Variants in CFTR observed in about 807,000 individuals in gnomAD.
CFTR encodes the protein cystic fibrosis transmembrane conductance regulator.
CFTR carries 181 observed loss-of-function variants against 171.6 expected under a neutral mutation model. That is an observed-to-expected ratio of 1.05 (90% CI 0.93 to 1.19). The LOEUF (loss-of-function observed/expected upper bound fraction) is 1.19. Among genes scored for constraint, CFTR ranks in the 50% most tolerant of loss-of-function variants. The probability of loss-of-function intolerance (pLI) is 0.00; values close to 1 mark genes in which losing one functional copy is unlikely to be tolerated. For synonymous variants in CFTR, 583 were observed against 608.0 expected (o/e 0.96, Z 0.60); for missense variants, 1,968 against 1,734.7 (o/e 1.13, Z -2.39).
intron 22 of CFTR, among the ~76,000 whole-genome samples, chr7:117,629,544 G>A (rs1220513410): frequency 8.5e-5 from 13 of 152,122 alleles, no homozygotes; most frequent in Non-Finnish European, 1.9e-4. Context: ...GTCACTGATT[G>A]GTTAACATTG....
intron 7 of CFTR, among the ~76,000 whole-genome samples, chr7:117,538,188 A>G (rs1360659660): frequency 6.6e-6 from 1 of 152,212 alleles, no homozygotes. Context: ...CTCCTACTCA[A>G]GAGAGCAAAT....
chr7:117,511,079 G>T (rs1389408787), intron 3 of CFTR, among the ~76,000 whole-genome samples: 8 of 151,994 alleles, frequency 5.3e-5, no homozygotes, highest in Admixed American at 2.6e-4. Context: ...TTGTATTTAG[G>T]TACTCAACAG....
At chr7:117,558,298 G>T (rs1167681349) in intron 10 of CFTR, among the ~76,000 whole-genome samples, 1 of 151,984 alleles carries the variant, frequency 6.6e-6, no homozygotes, top group Non-Finnish European at 1.5e-5. Flanking sequence ...TGTGACTCTA[G>T]TTCACTAATA....
At position 117,568,191 on chromosome 7, in the gene CFTR, G is replaced by T. The variant is rs147166160; in HGVS notation, c.1584+8536G>T. Among the ~76,000 whole-genome samples, 7 of 152,270 alleles carry T rather than the reference G, an allele frequency of 4.6e-5. No homozygotes were observed. In the East Asian group the frequency reaches 1.2e-3, roughly 25 times the overall value. ...AAGGTTGGAGTCTGGAAAGAAAGGG[G>T]TATATTGTGAGATCTGAATTGGGAG... On this transcript the variant is annotated intron_variant, in intron 11 of 26. Coordinates refer to ENST00000003084, the MANE Select transcript of CFTR (RefSeq NM_000492.4).
intron 1 of CFTR, among the ~76,000 whole-genome samples, chr7:117,501,772 GAAACAAAAAAAAAAAAA>G (rs1798333224): frequency 1.4e-5 from 1 of 73,586 alleles, no homozygotes; most frequent in Non-Finnish European, 2.9e-5. Context: ...AAAAAAAAAA[GAAACAAAAAAAAAAAAA>G]AAACAAAAAG....
chr7:117,641,145 T>C (rs1792904835), intron 22 of CFTR, among the ~76,000 whole-genome samples: 1 of 152,190 alleles, frequency 6.6e-6, no homozygotes, highest in African/African-American at 2.4e-5. Context: ...GTAGAGTTCT[T>C]ACGATGGATA....
intron 16 of CFTR, among the ~76,000 whole-genome samples, chr7:117,603,293 C>T (rs980624592): frequency 3.9e-5 from 6 of 152,280 alleles, no homozygotes; most frequent in Admixed American, 3.9e-4. Flanking sequence ...AATAACATTA[C>T]ATATTTAGGG....
intron 20 of CFTR, among the ~76,000 whole-genome samples, chr7:117,613,974 T>G (rs1792443052): frequency 6.6e-6 from 1 of 150,516 alleles, no homozygotes; most frequent in Non-Finnish European, 1.5e-5. Flanking sequence ...AACACTTAAG[T>G]GTTGTTCTTC....
chr7:117,618,068 T>A (rs921242473), intron 21 of CFTR, among the ~76,000 whole-genome samples: 2 of 152,192 alleles, frequency 1.3e-5, no homozygotes, highest in African/African-American at 4.8e-5. Context: ...CTTGCTTCCA[T>A]GACACTACTC....
intron 20 of CFTR, among the ~76,000 whole-genome samples, chr7:117,613,587 CTTA>C (rs756235700): frequency 1.3e-5 from 2 of 152,054 alleles, no homozygotes; most frequent in South Asian, 2.1e-4. Context: ...TGTTATCTGA[CTTA>C]TTATTAAAAT....
At chr7:117,563,495 G>C (rs534409137) in intron 11 of CFTR, among the ~76,000 whole-genome samples, 12 of 152,120 alleles carry the variant, frequency 7.9e-5, no homozygotes, top group African/African-American at 2.6e-4. Flanking sequence ...TCAGGAAAGA[G>C]TGATTTTTTT....
intron 18 of CFTR, among the ~76,000 whole-genome samples, chr7:117,609,847 C>T (rs1001259778): frequency 8.6e-5 from 13 of 151,828 alleles, no homozygotes; most frequent in African/African-American, 2.9e-4. Flanking sequence ...ATGAAAATAT[C>T]CAAAGATCAA....
intron 1 of CFTR, among the ~76,000 whole-genome samples, chr7:117,489,762 A>C (rs1798127208): frequency 1.3e-5 from 2 of 151,832 alleles, no homozygotes; most frequent in South Asian, 4.1e-4. Flanking sequence ...TCATGTTCGG[A>C]TCAATCTAGT....
chr7:117,627,643 A>T lies in CFTR; in HGVS notation c.3590A>T (p.His1197Leu), dbSNP rs765133036. The change falls in exon 22 of 27, where the codon CAC (histidine) becomes CTC (leucine). Residue 1197 changes from histidine to leucine, a missense_variant. His to Leu is a moderately conservative substitution (Grantham distance 99). Transcript: ENST00000003084. ...LSKVMIIENS[H>L]VKKDDIWPSG... ...AAAGTTATGATTATTGAGAATTCACACGTGAAGAAAGATGACATCTGGCCC... is the reference window on the plus strand; with the variant it reads ...AAAGTTATGATTATTGAGAATTCACTCGTGAAGAAAGATGACATCTGGCCC... 9 of 1,613,520 alleles carry T rather than the reference A, an allele frequency of 5.6e-6. No homozygotes were observed. The highest frequency in any genetic ancestry group is 5.1e-6 in the Non-Finnish European group (6 of 1,179,618).
intron 24 of CFTR, among the ~76,000 whole-genome samples, chr7:117,659,089 A>C (rs996022645): frequency 3.3e-5 from 5 of 152,140 alleles, no homozygotes; most frequent in Non-Finnish European, 7.4e-5. Flanking sequence ...TCTCTAAAGC[A>C]CATGTGCTTT....
At chr7:117,600,358 A>G (rs1792205606) in intron 15 of CFTR, among the ~76,000 whole-genome samples, 2 of 152,076 alleles carry the variant, frequency 1.3e-5, no homozygotes, top group South Asian at 4.1e-4. Flanking sequence ...AATGAAAATA[A>G]TACATTAGGA....
chr7:117,623,344 C>T (rs1452282673), intron 21 of CFTR, among the ~76,000 whole-genome samples: 1 of 152,228 alleles, frequency 6.6e-6, no homozygotes, highest in South Asian at 2.1e-4. Flanking sequence ...AGATATCCCT[C>T]GATCCTCCTT....
chr7:117,582,895 C>G (rs563471807), intron 11 of CFTR, among the ~76,000 whole-genome samples: 4 of 152,092 alleles, frequency 2.6e-5, no homozygotes, highest in Non-Finnish European at 5.9e-5. Context: ...ATATTCCATT[C>G]GATCTGAGTG....
At chr7:117,608,581 A>G (rs1405677534) in intron 18 of CFTR, among the ~76,000 whole-genome samples, 1 of 152,196 alleles carries the variant, frequency 6.6e-6, no homozygotes, top group Non-Finnish European at 1.5e-5. Flanking sequence ...GGTCTTTTAT[A>G]TTAATTTACC....
Sources: gnomAD v4.1 joint callset for allele counts (sites outside exome capture counted in the v4.1 genomes callset) on GRCh38, gnomAD v4.1.1 for gene constraint, MANE v1.5 for transcripts, NCBI Gene and HGNC (gene_info 2026-07-23, HGNC 2026-07-21) for gene names.